The following BRI3 variants were observed in gnomAD, a reference collection of about 807,000 sequenced individuals.
BRI3 encodes the protein brain protein I3.
Under a neutral mutation model 12.8 loss-of-function variants are expected in BRI3, and 6 were observed. The observed-to-expected ratio is 0.47, with a 90% confidence interval of 0.26 to 0.93. The LOEUF is 0.93. BRI3 is among the 40% of genes least tolerant of loss of function. The pLI is 0.15. For missense variants in BRI3, 134 were observed against 171.1 expected, an observed-to-expected ratio of 0.78 and a Z score of 1.21; for synonymous variants, 91 against 76.1, an observed-to-expected ratio of 1.20 and a Z score of -1.02.
chr7:98,306,092 C>T (rs761234665), upstream of BRI3, among the ~76,000 whole-genome samples: 30 of 152,056 alleles, frequency 2.0e-4, no homozygotes, highest in South Asian at 2.1e-4. Context: ...CATACAACAG[C>T]GTTAAGGGCT....
At chr7:98,307,832 C>T (rs952577457) in exon 2 of BRI3, 1 of 1,614,144 alleles carries the variant, frequency 6.2e-7, no homozygotes, top group African/African-American at 1.3e-5. Flanking sequence ...CTTTCTGCTT[C>T]TTCATCATGT....
chr7:98,294,312 A>G (rs1800095696), downstream of BRI3, among the ~76,000 whole-genome samples: 1 of 152,208 alleles, frequency 6.6e-6, no homozygotes, highest in Non-Finnish European at 1.5e-5. Context: ...GATTTTTAAT[A>G]AGACCCGAAG....
At chr7:98,323,119 A>C in the BRI3 span, 1 of 152,232 alleles carries the variant, frequency 6.6e-6, no homozygotes, top group South Asian at 2.1e-4. Flanking sequence ...CCCACTCCAC[A>C]TCCTTAGCAA....
the BRI3 span, among the ~76,000 whole-genome samples, chr7:98,315,810 G>C: frequency 1.3e-5 from 2 of 152,132 alleles, no homozygotes; most frequent in Non-Finnish European, 2.9e-5. Context: ...TGACTCGTGT[G>C]CAGAGAGAAG....
intron 2 of BRI3, among the ~76,000 whole-genome samples, chr7:98,284,563 A>G (rs1799648282): frequency 6.6e-6 from 1 of 152,180 alleles, no homozygotes; most frequent in Non-Finnish European, 1.5e-5. Context: ...GAGACAGGAT[A>G]CCACTCACAT....
At chr7:98,300,490 G>A (rs1800376716) in intron 1 of BRI3, among the ~76,000 whole-genome samples, 1 of 152,216 alleles carries the variant, frequency 6.6e-6, no homozygotes, top group South Asian at 2.1e-4. Flanking sequence ...GCAGATGACC[G>A]CGCCATGTCT....
intron 2 of BRI3, among the ~76,000 whole-genome samples, chr7:98,287,144 T>C (rs1029362993): frequency 2.0e-5 from 3 of 152,256 alleles, no homozygotes; most frequent in African/African-American, 4.8e-5. Flanking sequence ...CTGAGCCTCC[T>C]GGGACAGCTG....
At chr7:98,302,167 T>A (rs563381751), upstream of BRI3, among the ~76,000 whole-genome samples, 16 of 152,332 alleles carry the variant, frequency 1.1e-4, no homozygotes, top group South Asian at 3.1e-3. Context: ...ACACTGATAC[T>A]TACAACCAGG....
At chr7:98,286,446 G>A (rs35658212) in intron 2 of BRI3, among the ~76,000 whole-genome samples, 9,057 of 152,312 alleles carry the variant, frequency 0.059, 390 homozygotes, top group Middle Eastern at 0.13. Context: ...CCCTGGCCGC[G>A]TGGCTTATTG....
chr7:98,310,317 A>G, exon 2 of BRI3: 4 of 1,018,986 alleles, frequency 3.9e-6, no homozygotes, highest in Non-Finnish European at 5.6e-6. Flanking sequence ...CCAGGGCTGA[A>G]TGTATCTACC....
At chr7:98,312,405 A>T, downstream of BRI3, 1 of 859,104 alleles carries the variant, frequency 1.2e-6, no homozygotes, top group Non-Finnish European at 1.8e-6. Flanking sequence ...CTCGGTGAGC[A>T]CTTTAAGCAC....
the BRI3 span, among the ~76,000 whole-genome samples, chr7:98,318,743 G>C: frequency 6.6e-6 from 1 of 150,470 alleles, no homozygotes; most frequent in Non-Finnish European, 1.5e-5. Flanking sequence ...AGAAGTTTGA[G>C]ACCAGCCTGG....
downstream of BRI3, chr7:98,292,822 G>A (rs1035924840): frequency 4.6e-5 from 69 of 1,484,516 alleles, no homozygotes; most frequent in Admixed American, 3.0e-4. Context: ...TGGATGGGCC[G>A]TGTGCAGCGA....
chr7:98,307,132 G>A (rs1800689185), intron 1 of BRI3: 2 of 158,710 alleles, frequency 1.3e-5, no homozygotes, highest in African/African-American at 4.8e-5. Flanking sequence ...ATTTTTTTGA[G>A]ACAGAGTCTT....
upstream of BRI3, among the ~76,000 whole-genome samples, chr7:98,306,154 C>G (rs1196036683): frequency 6.6e-6 from 1 of 152,084 alleles, no homozygotes; most frequent in African/African-American, 2.4e-5. Context: ...AAACACATGG[C>G]TTGGGTTTAG....
exon 2 of BRI3, chr7:98,307,568 A>G: frequency 6.7e-7 from 1 of 1,492,442 alleles, no homozygotes; most frequent in East Asian, 2.4e-5. Flanking sequence ...AACTAGAACT[A>G]AACCATAAAC....
intron 2 of BRI3, among the ~76,000 whole-genome samples, chr7:98,290,610 T>C (rs979772668): frequency 2.6e-5 from 4 of 152,202 alleles, no homozygotes; most frequent in Non-Finnish European, 4.4e-5. Flanking sequence ...GCGATTCTCC[T>C]GCCTCAGCCT....
At chr7:98,282,526 C>T in intron 2 of BRI3, 73 bp downstream of exon 2, 4 of 1,276,474 alleles carry the variant, frequency 3.1e-6, no homozygotes, top group South Asian at 2.4e-5. Flanking sequence ...CAGGACCTCA[C>T]AGCTCTGCTT....
At chr7:98,317,155 C>A in the BRI3 span, 18 of 1,606,096 alleles carry the variant, frequency 1.1e-5, no homozygotes, top group South Asian at 1.3e-4. Flanking sequence ...ACCCGGCTAA[C>A]CTCCTCTTAA....
Sources: allele counts gnomAD v4.1 joint callset (sites outside exome capture counted in the v4.1 genomes callset), GRCh38; gene constraint gnomAD v4.1.1; transcripts MANE v1.5; gene names NCBI Gene and HGNC (gene_info 2026-07-23, HGNC 2026-07-21).